Variants in ORC6 observed in about 807,000 individuals in gnomAD.
ORC6 encodes origin recognition complex subunit 6, also known as origin recognition complex, subunit 6 homolog-like (yeast).
A neutral mutation model predicts 30.0 loss-of-function variants in ORC6; 31 were observed. The observed-to-expected ratio is 1.03, with a 90% CI of 0.78 to 1.40. The LOEUF (loss-of-function observed/expected upper bound fraction) is 1.40, where lower values mean the gene tolerates loss of function less well. ORC6 is among the 40% of genes most tolerant of loss of function. ORC6 has a pLI of 0.00. For synonymous variants in ORC6, 136 were observed against 111.2 expected, an observed-to-expected ratio of 1.22 and a Z score of -1.40; for missense variants, 340 against 304.3, an observed-to-expected ratio of 1.12 and a Z score of -0.87.
chr16:46,697,387 A>G, intron 6 of ORC6, 71 bp from the exon 7 acceptor site: 8 of 1,359,868 alleles, frequency 5.9e-6, no homozygotes, highest in Non-Finnish European at 7.2e-6. Context: ...CAATTTAAAC[A>G]AGTTTACCTT....
rs2143010264 is a variant in ORC6, at chr16:46,690,878, G to A, written c.66-113G>A. Reference sequence around the variant, plus strand: ...CCTTCATTCCCAGCCCCAGATAAACGAGCCACAGGAGTTAGGCTTAGTGTG... The same window carrying A: ...CCTTCATTCCCAGCCCCAGATAAACAAGCCACAGGAGTTAGGCTTAGTGTG... On this transcript the variant is annotated intron_variant, in intron 1 of 6. Coordinates refer to ENST00000219097, the MANE Select transcript of ORC6 (RefSeq NM_014321.4). 4 of 1,096,828 alleles carry A rather than the reference G, an allele frequency of 3.6e-6. No homozygotes were observed. The South Asian group carries it at 5.1e-5, about 14-fold the overall frequency. 67.9% of individuals were successfully genotyped at this position (1,096,828 alleles called of 1,614,324 possible).
chr16:46,696,502 G>A (rs181813723), intron 6 of ORC6, among the ~76,000 whole-genome samples: 4 of 152,230 alleles, frequency 2.6e-5, no homozygotes, highest in South Asian at 2.1e-4. Flanking sequence ...CTTTTCCCCC[G>A]ACAAAAGAAA....
chr16:46,695,484 A>G (rs560208859), intron 4 of ORC6, 78 bp from the exon 5 acceptor site: 22 of 875,682 alleles, frequency 2.5e-5, no homozygotes, highest in Non-Finnish European at 2.5e-5. Flanking sequence ...CAAAAAGAAA[A>G]TAAGTTGATT....
intron 1 of ORC6, chr16:46,690,746 G>T (rs1966426015): frequency 3.6e-6 from 2 of 550,204 alleles, no homozygotes; most frequent in Non-Finnish European, 6.7e-6. Flanking sequence ...GAGGAAAGAA[G>T]GGTAATTTTT....
rs755749104 is a variant in ORC6, at chr16:46,697,727, TG to T, written c.*144del. ...CCTTTAAATAGCAAAGCAGCCTACC[TG>T]GAGGCTAAGTCTGGGCAGTGGGCTG... On this transcript the variant is annotated 3_prime_UTR_variant, in exon 7 of 7. Transcript: ENST00000219097. The T allele has an allele frequency of 2.3e-5, 21 of 931,848 alleles. 1 individual carries two copies. In the South Asian group the frequency reaches 2.9e-4, roughly 13 times the overall value. 57.7% of individuals were successfully genotyped at this position (931,848 alleles called of 1,614,324 possible).
intron 3 of ORC6, 24 bp downstream of exon 3, chr16:46,692,569 T>C (rs372381137): frequency 6.9e-5 from 111 of 1,605,832 alleles, no homozygotes; most frequent in African/African-American, 1.1e-4. Flanking sequence ...AGAACCTTAA[T>C]TGAAAATGTA....
chr16:46,695,571 G>A lies in ORC6; in HGVS notation c.459G>A (p.Lys153=). ...TGAAATTGTTTTGTAGGATTCTAAAGCTGAAAGTGGATAAAAACAAAATGG... is the reference window on the plus strand; with the variant it reads ...TGAAATTGTTTTGTAGGATTCTAAAACTGAAAGTGGATAAAAACAAAATGG... The part of the protein sequence containing the change: ...AALLSACKIL[K]LKVDKNKMVA... The change falls in exon 5 of 7, where the codon AAG becomes AAA. Residue 153 remains lysine, a synonymous_variant. Transcript: ENST00000219097. 1 of 1,609,454 alleles carries A rather than the reference G, an allele frequency of 6.2e-7. No homozygotes were observed. Among genetic ancestry groups the A allele is most frequent in the Non-Finnish European group, 8.5e-7 (1 of 1,175,774 alleles).
At chr16:46,697,330 A>G (rs1186915157) in intron 6 of ORC6, 128 bp from the exon 7 acceptor site, 1 of 861,144 alleles carries the variant, frequency 1.2e-6, no homozygotes, top group Non-Finnish European at 1.8e-6. Context: ...AAAAAAAGTG[A>G]TAACTGCTGT....
intron 2 of ORC6, 121 bp from the exon 3 acceptor site, chr16:46,692,261 G>A: frequency 1.3e-6 from 1 of 785,898 alleles, no homozygotes. Flanking sequence ...CCTTTAGGTA[G>A]AGTGACTTGC....
intron 1 of ORC6, chr16:46,690,751 A>G: frequency 1.8e-6 from 1 of 562,532 alleles, no homozygotes; most frequent in East Asian, 3.3e-5. Flanking sequence ...AAGAAGGGTA[A>G]TTTTTTTGTC....
chr16:46,697,286 T>G lies in ORC6; in HGVS notation c.632-172T>G, dbSNP rs191042418. 6.9e-4 allele frequency among the ~76,000 whole-genome samples: 105 copies of G among 152,224 alleles called. 2 individuals carry two copies. ...GATCATTTGAACCTAGGAATTTGAG[T>G]GCAGCCTGAGCAACATTACAAGACC... is the stretch of plus-strand genomic sequence containing the variant. On this transcript the variant is annotated intron_variant, in intron 6 of 6. Transcript: ENST00000219097.
At position 46,695,674 on chromosome 16, in the gene ORC6, A is replaced by T. The variant is rs1295593701; in HGVS notation, c.562A>T (p.Arg188Ter). 1 of 1,574,068 alleles carries T rather than the reference A, an allele frequency of 6.4e-7. No individual in the cohort carries two copies. Among genetic ancestry groups the T allele is most frequent in the Non-Finnish European group, 8.7e-7 (1 of 1,143,634 alleles). ...QLEKIGQQVD[R>*]EPGDVATPPR... is the part of the protein sequence containing the mutation. The stretch of plus-strand genomic sequence containing the variant: ...AGAGAAGATTGGACAGCAGGTCGAC[A>T]GTAAGTATTCTGTAGTTCAAGAATG... Residue 188 changes from arginine (R) to a stop codon, truncating the protein, a stop_gained and splice_region_variant, in exon 5 of 7, where the codon AGA (arginine) becomes TGA (stop). Transcript: ENST00000219097. LOFTEE classifies it high-confidence loss of function.
rs1166879134 is a variant in ORC6 at position 46,696,030 on chromosome 16, T to C, written c.576T>C (p.Asp192=). ...CACTTCTTAAAGGAGAACCTGGAGA[T>C]GTAGCTACTCCACCACGGAAGAGAA... ...IGQQVDREPG[D]VATPPRKRKK... The change falls in exon 6 of 7, where the codon GAT becomes GAC. Residue 192 remains aspartate, a synonymous_variant. Transcript: ENST00000219097. 39 of 1,612,790 alleles carry C rather than the reference T, an allele frequency of 2.4e-5. No homozygotes were observed. The highest frequency in any genetic ancestry group is 3.2e-5 in the Non-Finnish European group (38 of 1,178,878).
intron 2 of ORC6, among the ~76,000 whole-genome samples, chr16:46,691,332 T>A (rs1415741799): frequency 6.6e-6 from 1 of 152,266 alleles, no homozygotes; most frequent in African/African-American, 2.4e-5. Flanking sequence ...CCTGACCACC[T>A]CTTTCTCGGC....
chr16:46,691,958 A>ACACACTCT, intron 2 of ORC6, among the ~76,000 whole-genome samples: 7 of 36,664 alleles, frequency 1.9e-4, no homozygotes, highest in East Asian at 8.8e-4. Flanking sequence ...ACACACACAC[A>ACACACTCT]CTCTCTCTCT....
chr16:46,692,705 T>A (rs575880495), intron 3 of ORC6, among the ~76,000 whole-genome samples, 160 bp downstream of exon 3: 1 of 152,232 alleles, frequency 6.6e-6, no homozygotes, highest in Admixed American at 6.5e-5. Context: ...CCATTTCTAC[T>A]AAAAATACAA....
At chr16:46,693,840 A>AACATTT (rs1966482088) in intron 4 of ORC6, 1 of 27,780 alleles carries the variant, frequency 3.6e-5, no homozygotes, top group Non-Finnish European at 7.9e-5. Flanking sequence ...CATTTTTTTT[A>AACATTT]TTTTTATTTT....
chr16:46,690,090 C>G (rs544325305), intron 1 of ORC6, among the ~76,000 whole-genome samples: 76 of 152,288 alleles, frequency 5.0e-4, no homozygotes, highest in Middle Eastern at 3.4e-3. Flanking sequence ...GCGGGGAACC[C>G]GACAACGAGG....
rs1966494562 is a variant in ORC6 at position 46,694,499 on chromosome 16, C to G, written c.450-1063C>G. On this transcript the variant is annotated intron_variant, in intron 4 of 6. Coordinates refer to ENST00000219097, the MANE Select transcript of ORC6 (RefSeq NM_014321.4). ...TGGCCGGGCGGGGGGGCTGACCCCC[C>G]CCACCTCCTTCCTGGACGGGGCGGC... 7 of 140,964 alleles carry G rather than the reference C, an allele frequency of 5.0e-5. 1 individual carries two copies. Among genetic ancestry groups the G allele is most frequent in the Admixed American group, 4.9e-4 (7 of 14,412 alleles). 8.7% of individuals were successfully genotyped at this position (140,964 alleles called of 1,614,324 possible).
Sources: allele counts gnomAD v4.1 joint callset (sites outside exome capture counted in the v4.1 genomes callset), GRCh38; gene constraint gnomAD v4.1.1; transcripts MANE v1.5; gene names NCBI Gene and HGNC (gene_info 2026-07-23, HGNC 2026-07-21).